Variants in RNF13 observed in about 807,000 individuals in gnomAD.
The protein encoded by RNF13 is ring finger protein 13, also known as E3 ubiquitin-protein ligase RNF13.
RNF13 carries 19 observed loss-of-function variants against 37.7 expected under a neutral mutation model. The ratio of observed to expected loss-of-function variants is 0.50; its 90% CI spans 0.35 to 0.74. The LOEUF (loss-of-function observed/expected upper bound fraction) is 0.74, where lower values mean the gene tolerates loss of function less well. RNF13 is among the 30% of genes least tolerant of loss of function. RNF13 has a pLI of 0.01. For missense variants in RNF13, 375 were observed against 453.0 expected (o/e 0.83, Z 1.56); for synonymous variants, 144 against 157.8 (o/e 0.91, Z 0.65).
intron 1 of RNF13, among the ~76,000 whole-genome samples, chr3:149,816,566 A>C (rs1415956269): frequency 4.0e-5 from 6 of 149,784 alleles, no homozygotes; most frequent in Non-Finnish European, 7.4e-5. Context: ...GATTGTTAGC[A>C]GTTGAAGGAG....
chr3:149,866,118 A>G (rs1480439209), intron 3 of RNF13, among the ~76,000 whole-genome samples: 1 of 152,184 alleles, frequency 6.6e-6, no homozygotes, highest in East Asian at 1.9e-4. Context: ...TGGTAGTGTT[A>G]TAGGAAAGGG....
At chr3:149,829,904 A>G (rs1372542491) in intron 1 of RNF13, among the ~76,000 whole-genome samples, 1 of 152,106 alleles carries the variant, frequency 6.6e-6, no homozygotes, top group African/African-American at 2.4e-5. Context: ...TGTTCTCGTG[A>G]TAGTGAGTAA....
chr3:149,837,886 C>T (rs1406852021), intron 1 of RNF13, among the ~76,000 whole-genome samples: 3 of 152,102 alleles, frequency 2.0e-5, no homozygotes, highest in Non-Finnish European at 4.4e-5. Context: ...TCCAATGTCT[C>T]ATCTGAGACA....
At chr3:149,881,675 TG>T (rs1713425957) in intron 4 of RNF13, among the ~76,000 whole-genome samples, 1 of 152,252 alleles carries the variant, frequency 6.6e-6, no homozygotes, top group African/African-American at 2.4e-5. Context: ...TTTTGGCTTC[TG>T]TTTTTTGGTA....
intron 4 of RNF13, among the ~76,000 whole-genome samples, chr3:149,881,147 T>C (rs912203477): frequency 2.6e-5 from 4 of 152,216 alleles, no homozygotes; most frequent in Non-Finnish European, 5.9e-5. Flanking sequence ...GCCAATCTTT[T>C]CTGTGTAGCA....
At chr3:149,895,129 T>A (rs1715106136) in intron 4 of RNF13, 1 of 166,108 alleles carries the variant, frequency 6.0e-6, no homozygotes, top group African/African-American at 2.4e-5. Flanking sequence ...GGCATGGTAT[T>A]AAGCATTTTT....
chr3:149,864,008 ATTTTTTTTTTTTTT>A (rs535062004), intron 3 of RNF13, among the ~76,000 whole-genome samples: 7 of 29,690 alleles, frequency 2.4e-4, no homozygotes, highest in African/African-American at 9.6e-4. Context: ...TTTGATTGGA[ATTTTTTTTTTTTTT>A]TTTTTTTTTT....
chr3:149,900,587 A>AAAAAAT (rs1715724581), intron 5 of RNF13, among the ~76,000 whole-genome samples: 1 of 152,110 alleles, frequency 6.6e-6, no homozygotes, highest in Non-Finnish European at 1.5e-5. Context: ...TCTGTCTCTA[A>AAAAAAT]AAAAATAAAA....
chr3:149,823,424 CATTT>C (rs1301733484), intron 1 of RNF13, among the ~76,000 whole-genome samples: 4 of 152,060 alleles, frequency 2.6e-5, no homozygotes, highest in African/African-American at 7.2e-5. Flanking sequence ...ATGAAATGCA[CATTT>C]ATTTGGAAAT....
At chr3:149,952,127 A>G (rs1699840899) in intron 8 of RNF13, among the ~76,000 whole-genome samples, 1 of 152,184 alleles carries the variant, frequency 6.6e-6, no homozygotes, top group Admixed American at 6.5e-5. Flanking sequence ...AGCAGTATAT[A>G]ATACTCATTT....
At chr3:149,901,933 T>A (rs886727485) in intron 5 of RNF13, 139 bp from the exon 6 acceptor site, 2 of 437,528 alleles carry the variant, frequency 4.6e-6, no homozygotes, top group Non-Finnish European at 8.3e-6. Flanking sequence ...GAATAAAATC[T>A]GCAATCTGGA....
chr3:149,931,033 G>T (rs1719108546), intron 8 of RNF13, among the ~76,000 whole-genome samples: 1 of 151,664 alleles, frequency 6.6e-6, no homozygotes, highest in African/African-American at 2.4e-5. Context: ...ATTTTCTGGT[G>T]TTTTTTTGGT....
intron 4 of RNF13, among the ~76,000 whole-genome samples, chr3:149,885,330 A>C (rs548224571): frequency 1.3e-5 from 2 of 152,230 alleles, no homozygotes; most frequent in South Asian, 4.1e-4. Context: ...TGATTGTGCT[A>C]ATTTACATTC....
intron 6 of RNF13, among the ~76,000 whole-genome samples, chr3:149,903,465 C>T (rs1397829968): frequency 2.0e-5 from 3 of 151,986 alleles, no homozygotes; most frequent in Non-Finnish European, 4.4e-5. Flanking sequence ...CTCTATGTGA[C>T]ACTATTGCTT....
intron 8 of RNF13, chr3:149,939,855 C>T: frequency 2.1e-6 from 1 of 480,394 alleles, no homozygotes; most frequent in East Asian, 5.0e-5. Context: ...ACGACTGCTG[C>T]TCCAGAGAAC....
At chr3:149,826,826 G>C (rs545306161) in intron 1 of RNF13, among the ~76,000 whole-genome samples, 13 of 152,312 alleles carry the variant, frequency 8.5e-5, no homozygotes, top group African/African-American at 3.1e-4. Flanking sequence ...GTGCAATCTT[G>C]TCTCACTGCA....
chr3:149,905,715 A>C (rs1440115789), intron 6 of RNF13, among the ~76,000 whole-genome samples: 1 of 151,832 alleles, frequency 6.6e-6, no homozygotes, highest in Admixed American at 6.6e-5. Flanking sequence ...AATTTATCCT[A>C]TATATAGCTT....
intron 8 of RNF13, among the ~76,000 whole-genome samples, chr3:149,927,299 T>C (rs1448635148): frequency 6.6e-6 from 1 of 152,264 alleles, no homozygotes; most frequent in African/African-American, 2.4e-5. Context: ...TTATCGATGT[T>C]GTAGCATATA....
chr3:149,857,622 GA>G (rs1279725715), intron 3 of RNF13, among the ~76,000 whole-genome samples: 2 of 151,982 alleles, frequency 1.3e-5, no homozygotes, highest in Non-Finnish European at 2.9e-5. Context: ...GTTCTTTTTG[GA>G]AAACATGTTT....
Sources: gnomAD v4.1 joint callset for allele counts (sites outside exome capture counted in the v4.1 genomes callset) on GRCh38, gnomAD v4.1.1 for gene constraint, MANE v1.5 for transcripts, NCBI Gene and HGNC (gene_info 2026-07-23, HGNC 2026-07-21) for gene names.